SMCHD1: variants seen among roughly 807,000 people sequenced by gnomAD.
SMCHD1 encodes the protein structural maintenance of chromosomes flexible hinge domain containing 1, also known as structural maintenance of chromosomes flexible hinge domain-containing protein 1.
A neutral mutation model predicts 254.7 loss-of-function variants in SMCHD1; 78 were observed. That is an observed-to-expected ratio of 0.31 (90% CI 0.26 to 0.37). The LOEUF (loss-of-function observed/expected upper bound fraction) is 0.37. Among genes scored for constraint, SMCHD1 ranks in the 10% least tolerant of loss-of-function variants. The probability of loss-of-function intolerance (pLI) is 1.00; values close to 1 mark genes in which losing one functional copy is unlikely to be tolerated. For synonymous variants in SMCHD1, 766 were observed against 794.9 expected (o/e 0.96, Z 0.61); for missense variants, 1,840 against 2,408.1 (o/e 0.76, Z 4.94).
At position 2,707,222 on chromosome 18, in the gene SMCHD1, A is replaced by G. The variant is rs9966605; in HGVS notation, c.2064-341A>G. 2.6e-3 allele frequency among the ~76,000 whole-genome samples: 391 copies of G among 152,206 alleles called. 3 individuals are homozygous for G. Among genetic ancestry groups the G allele is most frequent in the African/African-American group, 8.6e-3 (359 of 41,522 alleles). ...TTCTTCTTGTATAGCTAATGATGCA[A>G]TCATTTTGATTCTTACTGAATTTTG... On this transcript the variant is annotated intron_variant, in intron 15 of 47. Transcript: ENST00000320876.
intron 5 of SMCHD1, among the ~76,000 whole-genome samples, chr18:2,686,306 G>A (rs996565256): frequency 6.6e-6 from 1 of 152,156 alleles, no homozygotes; most frequent in African/African-American, 2.4e-5. Flanking sequence ...CATTTCAGAT[G>A]TTGCATTTTC....
At chr18:2,762,636 A>C (rs1250620473) in intron 36 of SMCHD1, among the ~76,000 whole-genome samples, 1 of 151,832 alleles carries the variant, frequency 6.6e-6, no homozygotes, top group Admixed American at 6.6e-5. Context: ...GCACAGCACC[A>C]CACCTGGCTA....
At chr18:2,686,204 G>A (rs2074048582) in intron 5 of SMCHD1, among the ~76,000 whole-genome samples, 1 of 152,090 alleles carries the variant, frequency 6.6e-6, no homozygotes, top group African/African-American at 2.4e-5. Flanking sequence ...TACAAGTTGA[G>A]CATCTCAAAT....
chr18:2,663,898 G>T (rs485017), intron 1 of SMCHD1, among the ~76,000 whole-genome samples: 23,120 of 151,910 alleles, frequency 0.15, 5,148 homozygotes, highest in African/African-American at 0.49. Context: ...TGTACTTTTA[G>T]TAGAGACGGG....
rs374046071 is a variant in SMCHD1, at chr18:2,789,855, A to G, written c.5719+5234A>G. On this transcript the variant is annotated intron_variant, in intron 45 of 47. Coordinates refer to ENST00000320876, the MANE Select transcript of SMCHD1 (RefSeq NM_015295.3). The stretch of plus-strand genomic sequence containing the variant: ...AGGAAATAACTAAGGACACTGTAGA[A>G]GCCAGAATGTAGACAGAAGAGAAAA... Among the ~76,000 whole-genome samples, 5 of 152,332 alleles carry G rather than the reference A, an allele frequency of 3.3e-5. No individual in the cohort carries two copies. The East Asian group carries it at 9.6e-4, about 29-fold the overall frequency.
intron 14 of SMCHD1, among the ~76,000 whole-genome samples, chr18:2,706,130 G>T (rs904711934): frequency 6.6e-6 from 1 of 152,114 alleles, no homozygotes; most frequent in Non-Finnish European, 1.5e-5. Flanking sequence ...CAAAACTGGA[G>T]TGGGTTTTTT....
chr18:2,793,851 A>C (rs1447610216), intron 45 of SMCHD1, among the ~76,000 whole-genome samples: 2 of 152,114 alleles, frequency 1.3e-5, no homozygotes, highest in African/African-American at 4.8e-5. Flanking sequence ...ACTCATTCTA[A>C]GTGTAGATTT....
At chr18:2,683,467 G>C (rs530291634) in intron 5 of SMCHD1, among the ~76,000 whole-genome samples, 3 of 152,052 alleles carry the variant, frequency 2.0e-5, no homozygotes, top group African/African-American at 7.2e-5. Context: ...GTGTAATTTC[G>C]TGATAGCTAG....
At chr18:2,754,547 G>A (rs1027163287) in intron 34 of SMCHD1, among the ~76,000 whole-genome samples, 1 of 152,216 alleles carries the variant, frequency 6.6e-6, no homozygotes, top group African/African-American at 2.4e-5. Context: ...GCTCACTGGG[G>A]ACTCAGCATT....
At chr18:2,711,546 G>C (rs1461669303) in intron 17 of SMCHD1, among the ~76,000 whole-genome samples, 1 of 147,582 alleles carries the variant, frequency 6.8e-6, no homozygotes, top group Non-Finnish European at 1.5e-5. Flanking sequence ...GCAGTGGCGG[G>C]ATCTCGGCTC....
chr18:2,753,150 G>A (rs1457783643), intron 34 of SMCHD1: 2 of 152,220 alleles, frequency 1.3e-5, no homozygotes, highest in African/African-American at 4.8e-5. Context: ...ACCCTCTCCT[G>A]ATTTGGTCTT....
At chr18:2,716,878 C>T (rs552421661) in intron 17 of SMCHD1, among the ~76,000 whole-genome samples, 1 of 152,348 alleles carries the variant, frequency 6.6e-6, no homozygotes, top group Admixed American at 6.5e-5. Context: ...GGCTGCAAAA[C>T]GTCCTGCCAG....
Position 2,802,603 on chromosome 18 carries a change from C to T in SMCHD1, c.*51C>T, listed in dbSNP as rs374638431. ...GGTCTCAGTAAGAATGCCCTGCTTT[C>T]TGCATCTCTGTTTCAGAAGACCAAG... On this transcript the variant is annotated 3_prime_UTR_variant, in exon 48 of 48. Coordinates refer to ENST00000320876, the MANE Select transcript of SMCHD1 (RefSeq NM_015295.3). 29 of 1,499,270 alleles carry T rather than the reference C, an allele frequency of 1.9e-5. No individual in the cohort carries two copies. The highest frequency in any genetic ancestry group is 2.4e-5 in the Non-Finnish European group (27 of 1,114,262). The allele number at this position is 1,499,270 out of a possible 1,614,324, so 92.9% of individuals were successfully genotyped here.
At position 2,784,548 on chromosome 18, in the gene SMCHD1, A is replaced by G. The variant is rs557482877; in HGVS notation, c.5646A>G (p.Pro1882=). 9.9e-6 allele frequency: 16 copies of G among 1,612,074 alleles called. No homozygotes were observed. The highest frequency in any genetic ancestry group is 1.3e-5 in the African/African-American group (1 of 74,968). ...GGGGCCTTCAGAATAAAGCTCCTCC[A>G]ATGGATAAACTTCGGGGAATGGTAT... ...KFGGLQNKAP[P]MDKLRGMVFG... Residue 1882 remains proline, a synonymous_variant, in exon 45 of 48, where the codon CCA becomes CCG. Transcript: ENST00000320876.
chr18:2,660,478 T>G (rs1326655763), intron 1 of SMCHD1, among the ~76,000 whole-genome samples: 3 of 149,378 alleles, frequency 2.0e-5, no homozygotes, highest in African/African-American at 7.4e-5. Flanking sequence ...CATGGTTTTT[T>G]TTTTTTTTTT....
chr18:2,714,143 G>A (rs1006431984), intron 17 of SMCHD1, among the ~76,000 whole-genome samples: 10 of 152,128 alleles, frequency 6.6e-5, no homozygotes, highest in African/African-American at 2.4e-4. Context: ...CTTAGGCCTA[G>A]TAATACTTGT....
intron 1 of SMCHD1, 43 bp from the exon 2 acceptor site, chr18:2,666,114 T>TTTCCTTTGTGTAATACTTA: frequency 1.1e-6 from 1 of 897,094 alleles, no homozygotes; most frequent in Non-Finnish European, 1.7e-6. Context: ...AATACATTTA[T>TTTCCTTTGTGTAATACTTA]TTCCTTTGTG....
intron 45 of SMCHD1, among the ~76,000 whole-genome samples, chr18:2,793,800 A>G (rs2076213010): frequency 1.3e-5 from 2 of 152,206 alleles, no homozygotes; most frequent in African/African-American, 4.8e-5. Flanking sequence ...AAATATGAAT[A>G]TGTTCACAAG....
chr18:2,765,767 C>T (rs1218111510), intron 37 of SMCHD1, among the ~76,000 whole-genome samples: 1 of 152,138 alleles, frequency 6.6e-6, no homozygotes, highest in Admixed American at 6.5e-5. Context: ...GTATTTACCA[C>T]TTATATTCAC....
Sources: allele counts gnomAD v4.1 joint callset (sites outside exome capture counted in the v4.1 genomes callset), GRCh38; gene constraint gnomAD v4.1.1; transcripts MANE v1.5; gene names NCBI Gene and HGNC (gene_info 2026-07-23, HGNC 2026-07-21).